The following OBI1 variants were observed in gnomAD, a reference collection of about 807,000 sequenced individuals.
OBI1 encodes ring finger protein 219.
A neutral mutation model predicts 62.4 loss-of-function variants in OBI1; 59 were observed. The observed-to-expected ratio is 0.95, with a 90% CI of 0.77 to 1.17. The LOEUF is 1.17. Among genes scored for constraint, OBI1 ranks in the 50% most tolerant of loss-of-function variants. The probability of loss-of-function intolerance (pLI) is 0.00; values close to 1 mark genes in which losing one functional copy is unlikely to be tolerated. For synonymous variants in OBI1, 302 were observed against 292.8 expected (o/e 1.03, Z -0.32); for missense variants, 875 against 830.9 (o/e 1.05, Z -0.65).
chr13:78,645,605 T>G (rs943288453), intron 1 of OBI1, among the ~76,000 whole-genome samples: 1 of 152,196 alleles, frequency 6.6e-6, no homozygotes, highest in Non-Finnish European at 1.5e-5. Flanking sequence ...CACAAATCTT[T>G]GACTCCAGGC....
chr13:78,626,146 GTTTCTC>G (rs1275889261), intron 5 of OBI1, among the ~76,000 whole-genome samples: 3 of 152,174 alleles, frequency 2.0e-5, no homozygotes, highest in Non-Finnish European at 4.4e-5. Flanking sequence ...CACCTCCTCT[GTTTCTC>G]TTTCTAACTC....
intron 1 of OBI1, among the ~76,000 whole-genome samples, chr13:78,650,119 T>A (rs1335966097): frequency 6.6e-6 from 1 of 152,174 alleles, no homozygotes; most frequent in Non-Finnish European, 1.5e-5. Flanking sequence ...ATTTTTCTTA[T>A]CAATATTTAG....
Position 78,659,070 on chromosome 13 carries a change from CG to C in OBI1, c.50del (p.Thr17SerfsTer30), listed in dbSNP as rs779097476. On this transcript the variant is annotated frameshift_variant, in exon 1 of 6. Transcript: ENST00000282003. LOFTEE classifies it high-confidence loss of function. The part of the protein sequence containing the change: ...NVTLSLTLPI[T>X]CHICLGKVRQ... ...TTACCTTCCCCAAGCAAATGTGGCACGTGATGGGCAGAGTGAGCGACAATGT... is the reference window on the plus strand; with the variant it reads ...TTACCTTCCCCAAGCAAATGTGGCACTGATGGGCAGAGTGAGCGACAATGT... 1 of 1,612,894 alleles carries C rather than the reference CG, an allele frequency of 6.2e-7. No homozygotes were observed. Among genetic ancestry groups the C allele is most frequent in the Admixed American group, 1.7e-5 (1 of 59,882 alleles).
At chr13:78,622,968 A>G (rs150936962) in intron 5 of OBI1, among the ~76,000 whole-genome samples, 1 of 152,110 alleles carries the variant, frequency 6.6e-6, no homozygotes, top group Non-Finnish European at 1.5e-5. Flanking sequence ...CCTGCTTCCT[A>G]TGGATCATTT....
At chr13:78,649,061 T>C (rs1876469839) in intron 1 of OBI1, among the ~76,000 whole-genome samples, 1 of 152,204 alleles carries the variant, frequency 6.6e-6, no homozygotes, top group African/African-American at 2.4e-5. Context: ...GAAAAGCAGA[T>C]TTCGCACAAG....
At chr13:78,623,326 G>T (rs1029898145) in intron 5 of OBI1, among the ~76,000 whole-genome samples, 2 of 149,090 alleles carry the variant, frequency 1.3e-5, no homozygotes, top group African/African-American at 4.9e-5. Flanking sequence ...GAAAGTAAGT[G>T]TAACAAATAC....
chr13:78,622,178 T>G (rs1875533221), intron 5 of OBI1, among the ~76,000 whole-genome samples: 1 of 152,194 alleles, frequency 6.6e-6, no homozygotes, highest in African/African-American at 2.4e-5. Context: ...GGTCCATGGC[T>G]CATGCCTGTA....
In OBI1 at chr13:78,616,230, A is replaced by G. The variant is rs1875280087; in HGVS notation, c.1531T>C (p.Leu511=). 6.8e-6 allele frequency: 11 copies of G among 1,614,022 alleles called. No individual in the cohort carries two copies. The highest frequency in any genetic ancestry group is 1.3e-5 in the African/African-American group (1 of 75,058). ...EKSGLCLSKR[L]NSIRSFEMNR... ...ATTTCAAAAGAGCGAATAGAATTCA[A>G]CCTTTTGGATAAACATAAGCCTGAT... The change falls in exon 6 of 6, where the codon TTG becomes CTG. Residue 511 remains leucine, a synonymous_variant. Transcript: ENST00000282003.
At chr13:78,655,581 C>G (rs1448793316) in intron 1 of OBI1, among the ~76,000 whole-genome samples, 1 of 152,176 alleles carries the variant, frequency 6.6e-6, no homozygotes, top group Non-Finnish European at 1.5e-5. Flanking sequence ...TGGGCTCTCT[C>G]TCCTTCCTCT....
Position 78,615,834 on chromosome 13 carries a change from T to A in OBI1, c.1927A>T (p.Ser643Cys). 1 of 1,614,056 alleles carries A rather than the reference T, an allele frequency of 6.2e-7. No homozygotes were observed. Among genetic ancestry groups the A allele is most frequent in the Non-Finnish European group, 8.5e-7 (1 of 1,179,982 alleles). Residue 643 changes from serine to cysteine, a missense_variant, in exon 6 of 6, where the codon AGC becomes TGC. Physicochemically the swap from Ser to Cys is moderately radical, Grantham distance 112. Coordinates refer to ENST00000282003, the MANE Select transcript of OBI1 (RefSeq NM_024546.4). Reference protein sequence around the residue: ...CPVTNEIKPPSCLFQTEFSQG... With the variant: ...CPVTNEIKPPCCLFQTEFSQG... ...GAAAACTCTGTCTGAAACAAGCAGCTTGGGGGTTTGATTTCATTAGTTACT... is the reference window on the plus strand; with the variant it reads ...GAAAACTCTGTCTGAAACAAGCAGCATGGGGGTTTGATTTCATTAGTTACT...
intron 4 of OBI1, among the ~76,000 whole-genome samples, chr13:78,636,149 A>G (rs1347015222): frequency 6.6e-6 from 1 of 152,180 alleles, no homozygotes; most frequent in African/African-American, 2.4e-5. Flanking sequence ...CTTGAATTGT[A>G]TAACACCTAA....
rs1411090981 is a variant in OBI1 at position 78,615,653 on chromosome 13, A to G, written c.2108T>C (p.Val703Ala). The G allele has an allele frequency of 1.9e-6, 3 of 1,613,804 alleles. No homozygotes were observed. Among genetic ancestry groups the G allele is most frequent in the South Asian group, 1.1e-5 (1 of 90,986 alleles). The change falls in exon 6 of 6, where the codon GTG (valine) becomes GCG (alanine). Residue 703 changes from valine (V) to alanine (A), a missense_variant. By Grantham distance (64) the Val-to-Ala change is moderately conservative. Transcript: ENST00000282003. Reference sequence around the variant, plus strand: ...GATTTTTCTTTTTGTTGATTGATTCACATTTTTATTCCTCTTTTCAGGCAC... The same window carrying G: ...GATTTTTCTTTTTGTTGATTGATTCGCATTTTTATTCCTCTTTTCAGGCAC... The part of the protein sequence containing the change: ...SFVPEKRNKN[V>A]NQSTKRKIQS...
At chr13:78,636,005 C>T (rs1876019771) in intron 4 of OBI1, among the ~76,000 whole-genome samples, 1 of 152,144 alleles carries the variant, frequency 6.6e-6, no homozygotes, top group Non-Finnish European at 1.5e-5. Context: ...TCAAGTGATC[C>T]ACCTGCCCCA....
In OBI1 at chr13:78,614,660, C is replaced by T. The variant is rs1875184556; in HGVS notation, c.*920G>A. The T allele has an allele frequency of 6.6e-6, 1 of 152,316 alleles. No individual in the cohort carries two copies. The highest frequency in any genetic ancestry group is 6.5e-5 in the Admixed American group (1 of 15,278). 9.4% of individuals were successfully genotyped at this position (152,316 alleles called of 1,614,324 possible). On this transcript the variant is annotated 3_prime_UTR_variant, in exon 6 of 6. Transcript: ENST00000282003. ...CAGGAACATGCAAACAAGAAACATA[C>T]TACTCAAAAGAAAACTCCCCTGGAA... is the stretch of plus-strand genomic sequence containing the variant.
At chr13:78,635,563 G>A (rs1011465367) in intron 4 of OBI1, among the ~76,000 whole-genome samples, 1 of 151,946 alleles carries the variant, frequency 6.6e-6, no homozygotes, top group South Asian at 2.1e-4. Context: ...ATGCAATATC[G>A]GCAAACTAAT....
At position 78,616,024 on chromosome 13, in the gene OBI1, TTCC is replaced by T; in HGVS notation, c.1734_1736del (p.Glu579del). 1 of 1,614,132 alleles carries T rather than the reference TTCC, an allele frequency of 6.2e-7. No individual in the cohort carries two copies. Among genetic ancestry groups the T allele is most frequent in the Non-Finnish European group, 8.5e-7 (1 of 1,179,994 alleles). Reference sequence around the variant, plus strand: ...CAGTTTTTTCTTCCAACTTATCAGGTTCCTCAAGAAATTCACTGCCTTGAGATG... The same window carrying T: ...CAGTTTTTTCTTCCAACTTATCAGGTTCAAGAAATTCACTGCCTTGAGATG... On this transcript the variant is annotated inframe_deletion, in exon 6 of 6. Coordinates refer to ENST00000282003, the MANE Select transcript of OBI1 (RefSeq NM_024546.4).
chr13:78,645,629 G>C (rs1167907681), intron 1 of OBI1, among the ~76,000 whole-genome samples: 1 of 150,286 alleles, frequency 6.7e-6, no homozygotes, highest in Non-Finnish European at 1.5e-5. Context: ...ATTTAAACAA[G>C]CACAAATAAT....
chr13:78,615,962 T>A lies in OBI1; in HGVS notation c.1799A>T (p.Gln600Leu). The change falls in exon 6 of 6, where the codon CAG (glutamine) becomes CTG (leucine). Residue 600 changes from glutamine to leucine, a missense_variant. Physicochemically the swap from Gln to Leu is moderately radical, Grantham distance 113. Transcript: ENST00000282003. ...TTTCCATTCACTTCCATTTTCTAAC[T>A]GATCATTAGTTAGAGAACCTTTGGA... Reference protein sequence around the residue: ...NLSKGSLTNDQLENGSEWKPT... With the variant: ...NLSKGSLTNDLLENGSEWKPT... 6.2e-7 allele frequency: 1 copy of A among 1,613,770 alleles called. No individual in the cohort carries two copies. The highest frequency in any genetic ancestry group is 8.5e-7 in the Non-Finnish European group (1 of 1,179,950).
At chr13:78,656,025 G>A (rs1245616352) in intron 1 of OBI1, among the ~76,000 whole-genome samples, 1 of 152,184 alleles carries the variant, frequency 6.6e-6, no homozygotes, top group African/African-American at 2.4e-5. Flanking sequence ...GTCTCATTTG[G>A]TTGGGAATGC....
Sources: allele counts gnomAD v4.1 joint callset (sites outside exome capture counted in the v4.1 genomes callset), GRCh38; gene constraint gnomAD v4.1.1; transcripts MANE v1.5; gene names NCBI Gene and HGNC (gene_info 2026-07-23, HGNC 2026-07-21).